USP13: variants seen among roughly 807,000 people sequenced by gnomAD.
USP13 encodes the protein ubiquitin carboxyl-terminal hydrolase 13.
Under a neutral mutation model 107.8 loss-of-function variants are expected in USP13, and 68 were observed. The observed-to-expected ratio is 0.63, with a 90% confidence interval of 0.52 to 0.77. The LOEUF is 0.77. Among genes scored for constraint, USP13 ranks in the 30% least tolerant of loss-of-function variants. The pLI is 0.00. For missense variants in USP13, 945 were observed against 1,093.3 expected (o/e 0.86, Z 1.91); for synonymous variants, 377 against 389.5 (o/e 0.97, Z 0.38).
chr3:179,695,220 C>T (rs1263346066), intron 3 of USP13, among the ~76,000 whole-genome samples: 1 of 152,240 alleles, frequency 6.6e-6, no homozygotes, highest in Non-Finnish European at 1.5e-5. Flanking sequence ...TTATGATGCT[C>T]CTTCTTCGGC....
chr3:179,688,586 G>A (rs1056488193), intron 2 of USP13, among the ~76,000 whole-genome samples: 1 of 152,162 alleles, frequency 6.6e-6, no homozygotes, highest in African/African-American at 2.4e-5. Flanking sequence ...CAGAGGTGAT[G>A]GTCTTTAGAA....
intron 17 of USP13, among the ~76,000 whole-genome samples, chr3:179,762,735 T>C (rs1715049392): frequency 6.6e-6 from 1 of 152,208 alleles, no homozygotes; most frequent in Non-Finnish European, 1.5e-5. Context: ...TTTGTGTGGA[T>C]GGACATTTAT....
chr3:179,734,422 C>T (rs1713914840), intron 10 of USP13, among the ~76,000 whole-genome samples: 1 of 152,246 alleles, frequency 6.6e-6, no homozygotes, highest in Non-Finnish European at 1.5e-5. Context: ...GATAACATAT[C>T]TTAAATAACT....
At chr3:179,682,312 AT>A (rs1711690535) in intron 2 of USP13, among the ~76,000 whole-genome samples, 1 of 103,876 alleles carries the variant, frequency 9.6e-6, no homozygotes, top group Non-Finnish European at 2.3e-5. Flanking sequence ...GGATCCAAAA[AT>A]CATAAAAAAA....
chr3:179,658,196 C>T (rs552567440), intron 1 of USP13, among the ~76,000 whole-genome samples: 31 of 152,244 alleles, frequency 2.0e-4, no homozygotes, highest in South Asian at 4.2e-4. Flanking sequence ...CCTCGTGATC[C>T]GCCCACCTTG....
At position 179,653,443 on chromosome 3, in the gene USP13, C is replaced by G. The variant is rs779215084; in HGVS notation, c.168+50C>G. On this transcript the variant is annotated intron_variant, in intron 1 of 20. Transcript: ENST00000263966. The surrounding 1 kb of genome is among the most constrained non-coding windows in gnomAD (Gnocchi z 4.0). ...GTCGCGGGGCCGGCGGCCTGCGGCA[C>G]GTGAAGCCGGGGGAGAAGATGCGCA... The G allele has an allele frequency of 9.2e-6, 14 of 1,529,718 alleles. No individual in the cohort carries two copies. The highest frequency in any genetic ancestry group is 1.4e-5 in the African/African-American group (1 of 71,954). 94.8% of individuals were successfully genotyped at this position (1,529,718 alleles called of 1,614,324 possible).
chr3:179,660,412 G>A (rs139650602), intron 1 of USP13, among the ~76,000 whole-genome samples: 443 of 152,274 alleles, frequency 2.9e-3, no homozygotes, highest in Non-Finnish European at 5.3e-3. Context: ...ATTTCATTTA[G>A]CATAATGTTA....
chr3:179,690,418 T>A, intron 3 of USP13, 117 bp downstream of exon 3: 1 of 911,056 alleles, frequency 1.1e-6, no homozygotes, highest in Non-Finnish European at 1.6e-6. Context: ...AATTTAAGGA[T>A]GAGAGGCACA....
chr3:179,745,008 C>T (rs373634098), intron 12 of USP13, 35 bp from the exon 13 acceptor site: 17 of 1,611,958 alleles, frequency 1.1e-5, no homozygotes, highest in African/African-American at 1.3e-5. Context: ...AGGGTAAGAG[C>T]GATTGCAAGG....
intron 15 of USP13, 111 bp from the exon 16 acceptor site, chr3:179,756,941 C>A: frequency 1.8e-6 from 2 of 1,102,534 alleles, no homozygotes; most frequent in Non-Finnish European, 2.7e-6. Context: ...AGTGTGTGGT[C>A]CCCAGGAGTG....
chr3:179,718,664 CA>C (rs1439349222), intron 6 of USP13, among the ~76,000 whole-genome samples: 8 of 152,314 alleles, frequency 5.3e-5, no homozygotes, highest in Non-Finnish European at 1.0e-4. Flanking sequence ...TTTGGAAAAC[CA>C]AACAGTCCTC....
intron 1 of USP13, among the ~76,000 whole-genome samples, chr3:179,667,242 G>GT (rs34875853): frequency 0.1 from 15,357 of 152,136 alleles, 1,191 homozygotes; most frequent in East Asian, 0.4. Context: ...CTCCCCAACA[G>GT]TGAAAGCTTT....
chr3:179,728,140 G>C lies in USP13; in HGVS notation c.1089-2049G>C, dbSNP rs1476398315. Among the ~76,000 whole-genome samples, 21 of 131,834 alleles carry C rather than the reference G, an allele frequency of 1.6e-4. 1 individual carries two copies. In the East Asian group the frequency reaches 1.8e-3, roughly 11 times the overall value. 86.5% of individuals were successfully genotyped at this position (131,834 alleles called of 152,430 possible). A position where few individuals can be genotyped will look rare whatever the true frequency, so the allele number is the denominator to read the frequency against. On this transcript the variant is annotated intron_variant, in intron 8 of 20. Transcript: ENST00000263966. ...CAGAGGGGCTCCTCACTTCCCAGTA[G>C]GGGCGGCCGGGCAGAGGCGCCCCTC...
At chr3:179,720,154 T>G in intron 7 of USP13, 120 bp downstream of exon 7, 1 of 608,776 alleles carries the variant, frequency 1.6e-6, no homozygotes, top group Non-Finnish European at 2.6e-6. Context: ...ATTTTATAGG[T>G]TTTAGCTTTT....
In USP13 at chr3:179,696,328, A is replaced by ATTTTTTTTTTTT. The variant is rs4041265; in HGVS notation, c.356-4672_356-4661dup. Among the ~76,000 whole-genome samples, 2 of 117,714 alleles carry ATTTTTTTTTTTT rather than the reference A, an allele frequency of 1.7e-5. 1 individual carries two copies. The highest frequency in any genetic ancestry group is 3.3e-5 in the Non-Finnish European group (2 of 60,672). The allele number at this position is 117,714 out of a possible 152,430, so 77.2% of individuals were successfully genotyped here. Reference sequence around the variant, plus strand: ...TACTAAATAAACAGAGCCATTAGGCATTTTTTTTTTTTTTTTTTTGAGATG... The same window carrying ATTTTTTTTTTTT: ...TACTAAATAAACAGAGCCATTAGGCATTTTTTTTTTTTTTTTTTTTTTTTTTTTTTTGAGATG... On this transcript the variant is annotated intron_variant, in intron 3 of 20. Coordinates refer to ENST00000263966, the MANE Select transcript of USP13 (RefSeq NM_003940.3).
chr3:179,762,476 G>A (rs1034181117), intron 17 of USP13, among the ~76,000 whole-genome samples: 2 of 152,180 alleles, frequency 1.3e-5, no homozygotes, highest in Admixed American at 6.5e-5. Flanking sequence ...AGCTACTTGG[G>A]AGACTGAGGC....
chr3:179,722,375 G>C (rs1713355806), intron 8 of USP13, among the ~76,000 whole-genome samples: 1 of 152,148 alleles, frequency 6.6e-6, no homozygotes, highest in Non-Finnish European at 1.5e-5. Context: ...CCTTCAATGA[G>C]ATAAGTTTGG....
intron 6 of USP13, among the ~76,000 whole-genome samples, chr3:179,718,545 G>T (rs1713188416): frequency 6.6e-6 from 1 of 152,074 alleles, no homozygotes; most frequent in Admixed American, 6.6e-5. Context: ...GGCCACCTGT[G>T]GCCTTTATGA....
In USP13 at chr3:179,752,620, T is replaced by G. The variant is rs559905077; in HGVS notation, c.1798+247T>G. ...TAAGAGTGTAAACAGAATCCTCACA[T>G]TGTCAAATAAACAGTGCTTTCCAAA... On this transcript the variant is annotated intron_variant, in intron 14 of 20. Coordinates refer to ENST00000263966, the MANE Select transcript of USP13 (RefSeq NM_003940.3). Among the ~76,000 whole-genome samples the G allele has an allele frequency of 2.0e-5, 3 of 152,338 alleles. No individual in the cohort carries two copies. The East Asian group carries it at 5.8e-4, about 29-fold the overall frequency.
Sources: gnomAD v4.1 joint callset for allele counts (sites outside exome capture counted in the v4.1 genomes callset) on GRCh38, gnomAD v4.1.1 for gene constraint, Gnocchi (gnomAD v3.1) non-coding constraint, MANE v1.5 for transcripts, NCBI Gene and HGNC (gene_info 2026-07-23, HGNC 2026-07-21) for gene names.